The following PBX2 variants were observed in gnomAD, a reference collection of about 807,000 sequenced individuals.
The protein encoded by PBX2 is PBX homeobox 2, also known as pre-B-cell leukemia transcription factor 2.
PBX2 carries 10 observed loss-of-function variants against 46.5 expected under a neutral mutation model. That is an observed-to-expected ratio of 0.21 (90% CI 0.13 to 0.36). PBX2 has a LOEUF of 0.36. Among genes scored for constraint, PBX2 ranks in the 10% least tolerant of loss-of-function variants. The pLI is 1.00. For missense variants in PBX2, 392 were observed against 580.5 expected, an observed-to-expected ratio of 0.68 and a Z score of 3.34; for synonymous variants, 160 against 222.5, an observed-to-expected ratio of 0.72 and a Z score of 2.50.
Position 32,186,914 on chromosome 6 carries a change from G to T in PBX2, c.1025-13C>A. 1 of 1,610,128 alleles carries T rather than the reference G, an allele frequency of 6.2e-7. No individual in the cohort carries two copies. Among genetic ancestry groups the T allele is most frequent in the Non-Finnish European group, 8.5e-7 (1 of 1,177,358 alleles). On this transcript the variant is annotated splice_polypyrimidine_tract_variant and intron_variant, in intron 6 of 8. Transcript: ENST00000375050. The surrounding 1 kb of genome is among the most constrained non-coding windows in gnomAD (Gnocchi z 4.2). The stretch of plus-strand genomic sequence containing the variant: ...GAGCCGCCAGAGCCTTGTGGGGGCA[G>T]AGAGGGAAGAGTGTAATAGAGCCCG...
chr6:32,186,626 A>G lies in PBX2; in HGVS notation c.1178T>C (p.Met393Thr). The change falls in exon 8 of 9, where the codon ATG (methionine) becomes ACG (threonine). Residue 393 changes from methionine (M) to threonine (T), a missense_variant. Transcript: ENST00000375050. This position sits in a 1 kb window ranked among gnomAD's most constrained non-coding sequence, Gnocchi z 4.2. ...CACCCTCATTTCCCGTGGGCTGTAC[A>G]TCTGGCCTCCCCCGAGGTTATCCCC... is the stretch of plus-strand genomic sequence containing the variant. ...GYGDNLGGGQ[M>T]YSPREMRANG... The G allele has an allele frequency of 6.2e-7, 1 of 1,612,234 alleles. No individual in the cohort carries two copies. Among genetic ancestry groups the G allele is most frequent in the Non-Finnish European group, 8.5e-7 (1 of 1,178,358 alleles).
rs375923856 is a variant in PBX2 at position 32,186,801 on chromosome 6, T to C, written c.1113+12A>G. ...GGGGAAAGCCCTATTCGAGAGGAGA[T>C]GGGCATCTGACCTGGGAAGCAGAAT... On this transcript the variant is annotated intron_variant, in intron 7 of 8. Coordinates refer to ENST00000375050, the MANE Select transcript of PBX2 (RefSeq NM_002586.5). This position sits in a 1 kb window ranked among gnomAD's most constrained non-coding sequence, Gnocchi z 4.2. 8 of 1,611,516 alleles carry C rather than the reference T, an allele frequency of 5.0e-6. No individual in the cohort carries two copies. In the Admixed American group the frequency reaches 8.3e-5, roughly 17 times the overall value.
rs1004095 is a variant in PBX2 at position 32,185,632 on chromosome 6, A to C, written c.*750T>G. 43,999 of 148,424 alleles carry C rather than the reference A, an allele frequency of 0.3. 8,094 individuals are homozygous for C. Among genetic ancestry groups the C allele is most frequent in the East Asian group, 0.54 (2,741 of 5,032 alleles). The allele number at this position is 148,424 out of a possible 1,614,324, so 9.2% of individuals were successfully genotyped here. A position where few individuals can be genotyped will look rare whatever the true frequency, so the allele number is the denominator to read the frequency against. On this transcript the variant is annotated 3_prime_UTR_variant, in exon 9 of 9. Coordinates refer to ENST00000375050, the MANE Select transcript of PBX2 (RefSeq NM_002586.5). ...AGAACCACCACCACCACCACCACCA[A>C]CAACAACAAAAACAACAACAACAAC... is the stretch of plus-strand genomic sequence containing the variant.
At position 32,186,680 on chromosome 6, in the gene PBX2, A is replaced by G; in HGVS notation, c.1124T>C (p.Leu375Pro). 6.2e-7 allele frequency: 1 copy of G among 1,612,936 alleles called. No homozygotes were observed. The highest frequency in any genetic ancestry group is 8.5e-7 in the Non-Finnish European group (1 of 1,178,964). ...DSYSASQVES[L>P]RHSMGPGGYG... The stretch of plus-strand genomic sequence containing the variant: ...GCCCCCTGGCCCCATCGAGTGTCGG[A>G]GTGATTCCACCTGCAGGCAGCAGAG... The change falls in exon 8 of 9, where the codon CTC (leucine) becomes CCC (proline). Residue 375 changes from leucine (L) to proline (P), a missense_variant. By Grantham distance (98) the Leu-to-Pro change is moderately conservative. Coordinates refer to ENST00000375050, the MANE Select transcript of PBX2 (RefSeq NM_002586.5). This position sits in a 1 kb window ranked among gnomAD's most constrained non-coding sequence, Gnocchi z 4.2.
chr6:32,188,142 G>A lies in PBX2; in HGVS notation c.558C>T (p.Phe186=). Residue 186 remains phenylalanine (F), a synonymous_variant, in exon 4 of 9, where the codon TTC becomes TTT. Transcript: ENST00000375050. This position sits in a 1 kb window ranked among gnomAD's most constrained non-coding sequence, Gnocchi z 6.5. The part of the protein sequence containing the change: ...LEKYEQACNE[F]TTHVMNLLRE... ...TCAGCAGGTTCATGACATGGGTCGT[G>A]AACTCATTACATGCCTGTAGTGGGG... 1 of 1,592,474 alleles carries A rather than the reference G, an allele frequency of 6.3e-7. No homozygotes were observed. Among genetic ancestry groups the A allele is most frequent in the Non-Finnish European group, 8.6e-7 (1 of 1,166,778 alleles).
chr6:32,188,765 G>C lies in PBX2; in HGVS notation c.253C>G (p.Pro85Ala). ...TCACACAGGACGCTAAAGAGAGCAG[G>C]CTTCATTCGGTGGCAGTTTAGGGCG... ...KHALNCHRMK[P>A]ALFSVLCEIK... is the part of the protein sequence containing the mutation. Residue 85 changes from proline to alanine, a missense_variant, in exon 2 of 9, where the codon CCT becomes GCT. Pro to Ala is a conservative substitution (Grantham distance 27, BLOSUM62 -1). Around this residue, in one of 3 missense-constraint regions of PBX2, gnomAD observed 196 missense variants for 246.9 expected, o/e 0.79. Transcript: ENST00000375050. This position sits in a 1 kb window ranked among gnomAD's most constrained non-coding sequence, Gnocchi z 6.5. 7 of 1,613,030 alleles carry C rather than the reference G, an allele frequency of 4.3e-6. No homozygotes were observed. The highest frequency in any genetic ancestry group is 3.3e-5 in the South Asian group (3 of 91,076).
Position 32,189,926 on chromosome 6 carries a change from G to C in PBX2, c.-11C>G. 1 of 1,195,782 alleles carries C rather than the reference G, an allele frequency of 8.4e-7. No individual in the cohort carries two copies. The highest frequency in any genetic ancestry group is 1.1e-6 in the Non-Finnish European group (1 of 892,840). 74.1% of individuals were successfully genotyped at this position (1,195,782 alleles called of 1,614,324 possible). ...TAGCCGTTCGTCCATAGCTGGGGGG[G>C]GGCCCTGAGGCCCCCTCCCTGCTCC... On this transcript the variant is annotated 5_prime_UTR_variant, in exon 1 of 9. Transcript: ENST00000375050. The surrounding 1 kb of genome is among the most constrained non-coding windows in gnomAD (Gnocchi z 4.7).
Position 32,188,360 on chromosome 6 carries a change from C to CCAGAGGCTG in PBX2, c.431_439dup (p.Ala144_Ser146dup), listed in dbSNP as rs758971143. Reference sequence around the variant, plus strand: ...GGAGTTGTCAGGGGACACACCACCACCAGAGGCTGCAGCGGCTGCAGCTGC... The same window carrying CCAGAGGCTG: ...GGAGTTGTCAGGGGACACACCACCACCAGAGGCTGCAGAGGCTGCAGCGGCTGCAGCTGC... On this transcript the variant is annotated inframe_insertion, in exon 3 of 9. Transcript: ENST00000375050. The surrounding 1 kb of genome is among the most constrained non-coding windows in gnomAD (Gnocchi z 6.5). The CCAGAGGCTG allele has an allele frequency of 5.0e-6, 8 of 1,614,176 alleles. No individual in the cohort carries two copies. The highest frequency in any genetic ancestry group is 6.8e-6 in the Non-Finnish European group (8 of 1,180,042).
Position 32,186,100 on chromosome 6 carries a change from T to G in PBX2, c.*282A>C. The G allele has an allele frequency of 2.2e-6, 1 of 459,210 alleles. No homozygotes were observed. The highest frequency in any genetic ancestry group is 3.8e-5 in the South Asian group (1 of 26,518). The allele number at this position is 459,210 out of a possible 1,614,324, so 28.4% of individuals were successfully genotyped here. On this transcript the variant is annotated 3_prime_UTR_variant, in exon 9 of 9. Transcript: ENST00000375050. This position sits in a 1 kb window ranked among gnomAD's most constrained non-coding sequence, Gnocchi z 4.2. ...AGAGGAGAAAAAGGGGTCTGAGAAA[T>G]AGGTTTCTCGGTATGTGTATGTTTC...
At position 32,186,891 on chromosome 6, in the gene PBX2, G is replaced by C; in HGVS notation, c.1035C>G (p.Gly345=). 1.2e-6 allele frequency: 2 copies of C among 1,613,684 alleles called. No homozygotes were observed. Among genetic ancestry groups the C allele is most frequent in the Non-Finnish European group, 1.7e-6 (2 of 1,179,958 alleles). ...PTPPSSAGSG[G]SFNLSGSGDM... is the part of the protein sequence containing the mutation. ...CTCCAGATCCTGAGAGATTGAAAGA[G>C]CCGCCAGAGCCTTGTGGGGGCAGAG... The change falls in exon 7 of 9, where the codon GGC becomes GGG. Residue 345 remains glycine (G), a synonymous_variant. Transcript: ENST00000375050. The surrounding 1 kb of genome is among the most constrained non-coding windows in gnomAD (Gnocchi z 4.2).
rs1385215839 is a variant in PBX2, at chr6:32,187,119, ATCTCAGCTCGGTCCCTC to A, written c.1024+106_1024+122del. ...CTCTGTCCCCTGACATCTCCAGCCT[ATCTCAGCTCGGTCCCTC>A]TCACCCCAAAAGGCCCCCTCTCTGC... On this transcript the variant is annotated intron_variant, in intron 6 of 8. Coordinates refer to ENST00000375050, the MANE Select transcript of PBX2 (RefSeq NM_002586.5). This position sits in a 1 kb window ranked among gnomAD's most constrained non-coding sequence, Gnocchi z 7.7. The A allele has an allele frequency of 7.9e-7, 1 of 1,269,332 alleles. No individual in the cohort carries two copies. The highest frequency in any genetic ancestry group is 1.1e-6 in the Non-Finnish European group (1 of 905,120). 78.6% of individuals were successfully genotyped at this position (1,269,332 alleles called of 1,614,324 possible). A position where few individuals can be genotyped will look rare whatever the true frequency, so the allele number is the denominator to read the frequency against.
rs779707864 is a variant in PBX2, at chr6:32,186,632, C to T, written c.1172G>A (p.Gly391Asp). ...PGGYGDNLGG[G>D]QMYSPREMRA... ...CATTTCCCGTGGGCTGTACATCTGG[C>T]CTCCCCCGAGGTTATCCCCATAGCC... The change falls in exon 8 of 9, where the codon GGC becomes GAC. Residue 391 changes from glycine to aspartate, a missense_variant. Transcript: ENST00000375050. This position sits in a 1 kb window ranked among gnomAD's most constrained non-coding sequence, Gnocchi z 4.2. 2 of 1,612,620 alleles carry T rather than the reference C, an allele frequency of 1.2e-6. No homozygotes were observed. The highest frequency in any genetic ancestry group is 2.2e-5 in the South Asian group (2 of 91,042).
chr6:32,189,708 C>CGTCCAG lies in PBX2; in HGVS notation c.202_207dup (p.Leu68_Asp69dup). 1 of 1,608,584 alleles carries CGTCCAG rather than the reference C, an allele frequency of 6.2e-7. No individual in the cohort carries two copies. The highest frequency in any genetic ancestry group is 1.1e-5 in the South Asian group (1 of 90,972). On this transcript the variant is annotated inframe_insertion, in exon 1 of 9. Coordinates refer to ENST00000375050, the MANE Select transcript of PBX2 (RefSeq NM_002586.5). This position sits in a 1 kb window ranked among gnomAD's most constrained non-coding sequence, Gnocchi z 4.7. Reference sequence around the variant, plus strand: ...GGGGGCACTCACTTGGCCTGGGCCTCGTCCAGGCTCTGGTCGGTGATGGTC... The same window carrying CGTCCAG: ...GGGGGCACTCACTTGGCCTGGGCCTCGTCCAGGTCCAGGCTCTGGTCGGTGATGGTC...
In PBX2 at chr6:32,187,740, T is replaced by A. The variant is rs181638004; in HGVS notation, c.777A>T (p.Leu259=). 12 of 1,612,530 alleles carry A rather than the reference T, an allele frequency of 7.4e-6. No homozygotes were observed. The African/African-American group carries it at 1.1e-4, about 14-fold the overall frequency. The part of the protein sequence containing the change: ...RNFSKQATEV[L]NEYFYSHLSN... ...TCAGGTGGGAGTAGAAATACTCATTTAGGACCTCAGTGGCCTGTTTGCTGA... is the reference window on the plus strand; with the variant it reads ...TCAGGTGGGAGTAGAAATACTCATTAAGGACCTCAGTGGCCTGTTTGCTGA... The change falls in exon 5 of 9, where the codon CTA becomes CTT. Residue 259 remains leucine, a synonymous_variant. Coordinates refer to ENST00000375050, the MANE Select transcript of PBX2 (RefSeq NM_002586.5). This position sits in a 1 kb window ranked among gnomAD's most constrained non-coding sequence, Gnocchi z 7.7.
Position 32,188,398 on chromosome 6 carries a change from G to A in PBX2, c.402C>T (p.Gly134=), listed in dbSNP as rs141804773. ...CGGCTGCAGCTGCTGCTGCTGAGCC[G>A]CCCCCTTTCTCGGGCCCAGCCACAC... is the stretch of plus-strand genomic sequence containing the variant. ...AEGVAGPEKG[G]GSAAAAAAAA... Residue 134 remains glycine (G), a synonymous_variant, in exon 3 of 9, where the codon GGC becomes GGT. Coordinates refer to ENST00000375050, the MANE Select transcript of PBX2 (RefSeq NM_002586.5). The surrounding 1 kb of genome is among the most constrained non-coding windows in gnomAD (Gnocchi z 6.5). 17 of 1,613,844 alleles carry A rather than the reference G, an allele frequency of 1.1e-5. No individual in the cohort carries two copies. Among genetic ancestry groups the A allele is most frequent in the African/African-American group, 5.3e-5 (4 of 74,918 alleles).
At position 32,185,248 on chromosome 6, in the gene PBX2, A is replaced by T. The variant is rs567281765; in HGVS notation, c.*1134T>A. 1 of 152,684 alleles carries T rather than the reference A, an allele frequency of 6.5e-6. No homozygotes were observed. Among genetic ancestry groups the T allele is most frequent in the East Asian group, 1.9e-4 (1 of 5,166 alleles). The allele number at this position is 152,684 out of a possible 1,614,324, so 9.5% of individuals were successfully genotyped here. ...AGATGGCATCTTCAATTTCCTCAAAATTACTGAGTCCAGCCCTGCCCAAGG... is the reference window on the plus strand; with the variant it reads ...AGATGGCATCTTCAATTTCCTCAAATTTACTGAGTCCAGCCCTGCCCAAGG... On this transcript the variant is annotated 3_prime_UTR_variant, in exon 9 of 9. Transcript: ENST00000375050.
rs2856439 is a variant in PBX2 at position 32,189,344 on chromosome 6, G to C, written c.221+351C>G. Among the ~76,000 whole-genome samples the C allele has an allele frequency of 1.8e-4, 28 of 152,096 alleles. No individual in the cohort carries two copies. Among genetic ancestry groups the C allele is most frequent in the Non-Finnish European group, 3.5e-4 (24 of 67,976 alleles). ...CTCCACATCTGGAGAGAATGAGGGG[G>C]CTGGGTGGAGAGTTAGGGGAGAAGA... On this transcript the variant is annotated intron_variant, in intron 1 of 8. Transcript: ENST00000375050. The surrounding 1 kb of genome is among the most constrained non-coding windows in gnomAD (Gnocchi z 4.7).
Position 32,190,201 on chromosome 6 carries a change from A to T in PBX2, c.-286T>A. ...GTGTGAGAGAGAGGGAGGAGGGAGG[A>T]GGGAGAAGGGGGGGGAGCGAGGGAG... On this transcript the variant is annotated 5_prime_UTR_variant, in exon 1 of 9. Coordinates refer to ENST00000375050, the MANE Select transcript of PBX2 (RefSeq NM_002586.5). The T allele has an allele frequency of 1.7e-5, 3 of 174,836 alleles. No homozygotes were observed. The highest frequency in any genetic ancestry group is 6.8e-5 in the Admixed American group (1 of 14,696). 10.8% of individuals were successfully genotyped at this position (174,836 alleles called of 1,614,324 possible). A position where few individuals can be genotyped will look rare whatever the true frequency, so the allele number is the denominator to read the frequency against.
chr6:32,186,926 T>C lies in PBX2; in HGVS notation c.1025-25A>G. On this transcript the variant is annotated intron_variant, in intron 6 of 8. Coordinates refer to ENST00000375050, the MANE Select transcript of PBX2 (RefSeq NM_002586.5). This position sits in a 1 kb window ranked among gnomAD's most constrained non-coding sequence, Gnocchi z 4.2. ...CCTTGTGGGGGCAGAGAGGGAAGAG[T>C]GTAATAGAGCCCGTGATGGTAGAGG... 1.3e-6 allele frequency: 2 copies of C among 1,593,434 alleles called. No homozygotes were observed. The highest frequency in any genetic ancestry group is 2.2e-5 in the East Asian group (1 of 44,766).
Sources: gnomAD v4.1 joint callset for allele counts (sites outside exome capture counted in the v4.1 genomes callset) on GRCh38, gnomAD v4.1.1 for gene constraint, gnomAD v4.1.1 regional missense constraint, Gnocchi (gnomAD v3.1) non-coding constraint, MANE v1.5 for transcripts, NCBI Gene and HGNC (gene_info 2026-07-23, HGNC 2026-07-21) for gene names.